The following TBXAS1 variants were observed in gnomAD, a reference collection of about 807,000 sequenced individuals.
The protein encoded by TBXAS1 is thromboxane-A synthase.
TBXAS1 carries 48 observed loss-of-function variants against 60.7 expected under a neutral mutation model. The observed-to-expected ratio is 0.79, with a 90% CI of 0.63 to 1.01. The LOEUF is 1.01. TBXAS1 is among the 50% of genes least tolerant of loss of function. TBXAS1 has a pLI of 0.00. For missense variants in TBXAS1, 685 were observed against 686.3 expected (o/e 1.00, Z 0.02); for synonymous variants, 287 against 269.7 (o/e 1.06, Z -0.63).
At chr7:139,841,897 T>C (rs1294958208) in intron 1 of TBXAS1, among the ~76,000 whole-genome samples, 2 of 152,228 alleles carry the variant, frequency 1.3e-5, no homozygotes, top group African/African-American at 4.8e-5. Flanking sequence ...ACTTGGTGCT[T>C]AGATGTGGTC....
At chr7:139,991,030 C>T (rs568706849) in intron 9 of TBXAS1, among the ~76,000 whole-genome samples, 12 of 152,244 alleles carry the variant, frequency 7.9e-5, no homozygotes, top group African/African-American at 2.4e-4. Context: ...AACAAATTGC[C>T]GCAATTAACA....
At chr7:139,858,791 G>C (rs771152473) in intron 1 of TBXAS1, among the ~76,000 whole-genome samples, 28 of 152,310 alleles carry the variant, frequency 1.8e-4, no homozygotes, top group Admixed American at 5.2e-4. Flanking sequence ...TGTGAATGGT[G>C]AGTGAGATCA....
chr7:139,953,814 T>C (rs80225164), intron 6 of TBXAS1, among the ~76,000 whole-genome samples: 2,613 of 152,300 alleles, frequency 0.017, 71 homozygotes, highest in African/African-American at 0.058. Flanking sequence ...AAGCTATAAT[T>C]TAGTGGTGGA....
At chr7:139,865,695 AGAG>A (rs1471287147) in intron 1 of TBXAS1, among the ~76,000 whole-genome samples, 21 of 15,908 alleles carry the variant, frequency 1.3e-3, no homozygotes, top group African/African-American at 3.7e-3. Context: ...AGGAGGAGGA[AGAG>A]GAGGAGGAGG....
At chr7:139,830,685 A>C (rs1011591806) in intron 1 of TBXAS1, among the ~76,000 whole-genome samples, 8 of 152,130 alleles carry the variant, frequency 5.3e-5, no homozygotes, top group African/African-American at 1.9e-4. Context: ...GGGAAGCCCG[A>C]AGCACAGTGT....
chr7:139,878,215 TAGAG>T (rs3070224), intron 3 of TBXAS1, among the ~76,000 whole-genome samples: 62,817 of 137,662 alleles, frequency 0.46, 12,951 homozygotes, highest in South Asian at 0.55. Context: ...TAGAAAGAGA[TAGAG>T]AGAGATAGAA....
intron 11 of TBXAS1, chr7:140,016,973 AGCTC>A (rs1418066147): frequency 6.5e-6 from 1 of 152,752 alleles, no homozygotes; most frequent in Non-Finnish European, 1.5e-5. Flanking sequence ...GTAAAAAGTG[AGCTC>A]GCTGTTACAG....
At chr7:139,892,939 T>C (rs1443361126) in intron 3 of TBXAS1, among the ~76,000 whole-genome samples, 2 of 152,240 alleles carry the variant, frequency 1.3e-5, no homozygotes, top group Non-Finnish European at 2.9e-5. Context: ...CTCCCCTCTT[T>C]GGGCCTCATT....
At chr7:139,831,192 G>C (rs1798678214) in intron 1 of TBXAS1, among the ~76,000 whole-genome samples, 1 of 152,204 alleles carries the variant, frequency 6.6e-6, no homozygotes, top group African/African-American at 2.4e-5. Flanking sequence ...AGGCAGGGGA[G>C]ACACAGAGGT....
intron 1 of TBXAS1, among the ~76,000 whole-genome samples, chr7:139,854,023 G>T (rs1004796872): frequency 6.6e-6 from 1 of 152,104 alleles, no homozygotes; most frequent in African/African-American, 2.4e-5. Flanking sequence ...TGGAGAAAGA[G>T]TGGATGCATC....
At chr7:139,799,886 C>G (rs559101033) in intron 4 of TBXAS1, among the ~76,000 whole-genome samples, 1 of 152,330 alleles carries the variant, frequency 6.6e-6, no homozygotes, top group South Asian at 2.1e-4. Flanking sequence ...GGCCCTACCC[C>G]ACAAGCCTCA....
chr7:139,797,894 A>G (rs1797613575), intron 4 of TBXAS1, among the ~76,000 whole-genome samples: 1 of 152,160 alleles, frequency 6.6e-6, no homozygotes, highest in African/African-American at 2.4e-5. Flanking sequence ...ACCTCCTTGA[A>G]TAATTATAAA....
intron 3 of TBXAS1, among the ~76,000 whole-genome samples, chr7:139,887,799 T>A (rs1266308082): frequency 6.6e-6 from 1 of 152,224 alleles, no homozygotes; most frequent in Admixed American, 6.5e-5. Context: ...AGAGGTGGAA[T>A]TGCCAGATCA....
In TBXAS1 at chr7:139,858,394, A is replaced by G. The variant is rs186541245; in HGVS notation, c.90-13841A>G. Among the ~76,000 whole-genome samples the G allele has an allele frequency of 1.8e-3, 276 of 152,328 alleles. 1 individual carries two copies. The highest frequency in any genetic ancestry group is 3.2e-3 in the Non-Finnish European group (218 of 68,028). On this transcript the variant is annotated intron_variant, in intron 1 of 12. Transcript: ENST00000448866. ...AGTGGAGACCATTTATCGTTTTTTA[A>G]GGCTCAACAAATATCCAATAGTCAG...
intron 1 of TBXAS1, among the ~76,000 whole-genome samples, chr7:139,842,858 A>G (rs1165748990): frequency 6.6e-6 from 1 of 152,206 alleles, no homozygotes; most frequent in Non-Finnish European, 1.5e-5. Context: ...GTTCCTCAAC[A>G]CAATCTCAGA....
intron 5 of TBXAS1, among the ~76,000 whole-genome samples, chr7:139,951,378 G>T (rs570843929): frequency 6.6e-6 from 1 of 151,898 alleles, no homozygotes; most frequent in East Asian, 1.9e-4. Context: ...CACTTATGAG[G>T]CCACCTTTAG....
intron 5 of TBXAS1, among the ~76,000 whole-genome samples, chr7:139,952,268 T>C (rs568599448): frequency 1.3e-5 from 2 of 152,286 alleles, no homozygotes; most frequent in East Asian, 3.9e-4. Context: ...GGGTATTACA[T>C]AATCAGTACG....
intron 4 of TBXAS1, among the ~76,000 whole-genome samples, chr7:139,808,680 C>T (rs1797939249): frequency 6.6e-6 from 1 of 152,156 alleles, no homozygotes; most frequent in African/African-American, 2.4e-5. Flanking sequence ...GTCAGCTCTG[C>T]TCACAGTGGG....
intron 10 of TBXAS1, 38 bp from the exon 11 acceptor site, chr7:140,015,685 C>T (rs772564141): frequency 1.2e-6 from 2 of 1,610,726 alleles, no homozygotes; most frequent in African/African-American, 1.3e-5. Context: ...CTCCTCATCT[C>T]TTCTCTGTAT....
Sources: gnomAD v4.1 joint callset for allele counts (sites outside exome capture counted in the v4.1 genomes callset) on GRCh38, gnomAD v4.1.1 for gene constraint, MANE v1.5 for transcripts, NCBI Gene and HGNC (gene_info 2026-07-23, HGNC 2026-07-21) for gene names.